GRIK2: variants seen among roughly 807,000 people sequenced by gnomAD.
The protein encoded by GRIK2 is glutamate receptor ionotropic, kainate 2.
A neutral mutation model predicts 100.3 loss-of-function variants in GRIK2; 32 were observed. That is an observed-to-expected ratio of 0.32 (90% CI 0.24 to 0.43). The LOEUF is 0.43. Ranked by LOEUF, GRIK2 falls within the 20% of genes least tolerant of loss-of-function variation. The pLI is 1.00. For synonymous variants in GRIK2, 417 were observed against 389.4 expected (o/e 1.07, Z -0.83); for missense variants, 843 against 1,114.9 (o/e 0.76, Z 3.47).
chr6:102,022,663 A>G (rs1769490637), intron 14 of GRIK2, among the ~76,000 whole-genome samples: 1 of 151,678 alleles, frequency 6.6e-6, no homozygotes. Context: ...AAGATGTATT[A>G]TTGATTTTTT....
At chr6:101,946,886 A>G (rs1791312745) in intron 14 of GRIK2, among the ~76,000 whole-genome samples, 1 of 152,162 alleles carries the variant, frequency 6.6e-6, no homozygotes, top group Admixed American at 6.6e-5. Context: ...ACTTGGAGCA[A>G]GGTACCCACT....
At chr6:101,923,022 T>C (rs919181074) in intron 12 of GRIK2, among the ~76,000 whole-genome samples, 5 of 152,214 alleles carry the variant, frequency 3.3e-5, no homozygotes, top group Non-Finnish European at 7.3e-5. Flanking sequence ...CAATCAACCT[T>C]TCTGTTTAGT....
At chr6:101,725,492 T>C (rs1341144551) in intron 7 of GRIK2, among the ~76,000 whole-genome samples, 2 of 152,052 alleles carry the variant, frequency 1.3e-5, no homozygotes, top group African/African-American at 2.4e-5. Context: ...CATCTGTATT[T>C]GCCTTGTATA....
intron 15 of GRIK2, among the ~76,000 whole-genome samples, chr6:102,036,647 T>C (rs1770290235): frequency 6.6e-6 from 1 of 151,132 alleles, no homozygotes. Flanking sequence ...TTTTTGGTAT[T>C]GAAGATGTAA....
chr6:102,055,153 A>G (rs1771402392), intron 15 of GRIK2, among the ~76,000 whole-genome samples, 177 bp from the exon 16 acceptor site: 1 of 152,106 alleles, frequency 6.6e-6, no homozygotes, highest in Admixed American at 6.6e-5. Context: ...AAGGCTATCC[A>G]TTTTAATGAT....
At chr6:101,503,189 T>C (rs1396799198) in intron 2 of GRIK2, among the ~76,000 whole-genome samples, 1 of 152,140 alleles carries the variant, frequency 6.6e-6, no homozygotes, top group Admixed American at 6.6e-5. Flanking sequence ...TTTTGTTTTG[T>C]TTTTAATGAG....
chr6:101,813,384 G>A (rs2128419708), intron 9 of GRIK2, among the ~76,000 whole-genome samples: 1 of 152,096 alleles, frequency 6.6e-6, no homozygotes, highest in Middle Eastern at 3.4e-3. Context: ...ATATAAGAAG[G>A]CAGCAAAAAT....
At chr6:102,011,257 A>G (rs994474879) in intron 14 of GRIK2, among the ~76,000 whole-genome samples, 2 of 152,132 alleles carry the variant, frequency 1.3e-5, no homozygotes, top group Non-Finnish European at 2.9e-5. Flanking sequence ...ATGTGGTGGA[A>G]TCTTAATGTT....
intron 2 of GRIK2, among the ~76,000 whole-genome samples, chr6:101,498,908 A>G (rs1242820092): frequency 6.6e-6 from 1 of 152,086 alleles, no homozygotes. Flanking sequence ...TTTTGTTGCC[A>G]TTGCTTTTGG....
intron 7 of GRIK2, among the ~76,000 whole-genome samples, chr6:101,772,722 C>CTTTTTTTTTTTTT (rs1160886527): frequency 7.8e-6 from 1 of 127,794 alleles, no homozygotes; most frequent in African/African-American, 3.1e-5. Flanking sequence ...TTTTCCACTC[C>CTTTTTTTTTTTTT]TTTTATTTTT....
chr6:101,621,577 A>G (rs1384524526), intron 2 of GRIK2, among the ~76,000 whole-genome samples: 2 of 152,138 alleles, frequency 1.3e-5, no homozygotes, highest in African/African-American at 2.4e-5. Context: ...GGAACTGTTT[A>G]CAAATTTTGG....
At position 101,637,950 on chromosome 6, in the gene GRIK2, A is replaced by ATATCATTTCTAAATATT. The variant is rs1206147976; in HGVS notation, c.541+11317_541+11333dup. 3.9e-5 allele frequency among the ~76,000 whole-genome samples: 6 copies of ATATCATTTCTAAATATT among 152,132 alleles called. No homozygotes were observed. In the East Asian group the frequency reaches 1.2e-3, roughly 29 times the overall value. On this transcript the variant is annotated intron_variant, in intron 4 of 16. Transcript: ENST00000369134. ...CCTGTAAGATGTACCTTAAAATAGA[A>ATATCATTTCTAAATATT]TATCATTTCTAAATATTTATAAATT...
intron 10 of GRIK2, among the ~76,000 whole-genome samples, chr6:101,846,818 G>T (rs1783836951): frequency 6.6e-6 from 1 of 151,974 alleles, no homozygotes; most frequent in Admixed American, 6.6e-5. Context: ...TGATTCTCTT[G>T]TAAACTTTTT....
At chr6:101,704,246 G>T (rs1331244223) in intron 7 of GRIK2, among the ~76,000 whole-genome samples, 1 of 151,682 alleles carries the variant, frequency 6.6e-6, no homozygotes, top group Middle Eastern at 3.2e-3. Context: ...AGAGTTGCCA[G>T]TATTTATAAA....
chr6:101,399,288 T>C lies in GRIK2; in HGVS notation c.11T>C (p.Ile4Thr), dbSNP rs373032118. The change falls in exon 2 of 17, where the codon ATT becomes ACT. Residue 4 changes from isoleucine to threonine, a missense_variant. By Grantham distance (89) the Ile-to-Thr change is moderately conservative. This residue lies in a region of GRIK2 where 519 missense variants were observed against 643.8 expected (regional missense o/e 0.81). Transcript: ENST00000369134. MKI[I>T]FPILSNPVFR... is the part of the protein sequence containing the mutation. ...GGGCACAGAAACACCATGAAGATTA[T>C]TTTCCCGATTCTAAGTAATCCAGTC... The C allele has an allele frequency of 1.3e-6, 2 of 1,526,452 alleles. No homozygotes were observed. Among genetic ancestry groups the C allele is most frequent in the Non-Finnish European group, 1.8e-6 (2 of 1,100,130 alleles). The allele number at this position is 1,526,452 out of a possible 1,614,324, so 94.6% of individuals were successfully genotyped here. A position where few individuals can be genotyped will look rare whatever the true frequency, so the allele number is the denominator to read the frequency against.
At chr6:101,535,673 T>C (rs1477920743) in intron 2 of GRIK2, among the ~76,000 whole-genome samples, 1 of 151,966 alleles carries the variant, frequency 6.6e-6, no homozygotes, top group East Asian at 1.9e-4. Flanking sequence ...ATTTCTTTCC[T>C]ACTTAAGGAG....
rs187989688 is a variant in GRIK2 at position 101,504,977 on chromosome 6, C to A, written c.115+105585C>A. On this transcript the variant is annotated intron_variant, in intron 2 of 16. Coordinates refer to ENST00000369134, the MANE Select transcript of GRIK2 (RefSeq NM_021956.5). ...GTCAGTACTTTTTGAAATAGGTAGA[C>A]TAAGCATCATTTTATATTTGTTTTC... 1.9e-3 allele frequency among the ~76,000 whole-genome samples: 290 copies of A among 151,594 alleles called. 2 individuals carry two copies. Among genetic ancestry groups the A allele is most frequent in the African/African-American group, 6.9e-3 (286 of 41,368 alleles).
chr6:101,586,535 G>A (rs1022325064), intron 2 of GRIK2, among the ~76,000 whole-genome samples: 1 of 151,872 alleles, frequency 6.6e-6, no homozygotes, highest in Non-Finnish European at 1.5e-5. Context: ...CTCTCAGGAT[G>A]AGTCCAACTC....
At chr6:101,452,264 T>C (rs1770747629) in intron 2 of GRIK2, among the ~76,000 whole-genome samples, 1 of 151,784 alleles carries the variant, frequency 6.6e-6, no homozygotes, top group African/African-American at 2.4e-5. Flanking sequence ...AATTAAAGAT[T>C]AGAGTCCTTT....
Sources: gnomAD v4.1 joint callset for allele counts (sites outside exome capture counted in the v4.1 genomes callset) on GRCh38, gnomAD v4.1.1 for gene constraint, gnomAD v4.1.1 regional missense constraint, MANE v1.5 for transcripts, NCBI Gene and HGNC (gene_info 2026-07-23, HGNC 2026-07-21) for gene names.